The following RP1 variants were observed in gnomAD, a reference collection of about 807,000 sequenced individuals.
RP1 encodes oxygen-regulated protein 1.
In RP1, 16 loss-of-function variants were observed where a neutral mutation model predicts 14.8. The observed-to-expected ratio is 1.08, with a 90% CI of 0.73 to 1.65. The LOEUF (loss-of-function observed/expected upper bound fraction) is 1.65. RP1 is among the 40% of genes most tolerant of loss of function. RP1 has a pLI of 0.00. For missense variants in RP1, 2,631 were observed against 2,535.0 expected (o/e 1.04, Z -0.81); for synonymous variants, 876 against 883.6 (o/e 0.99, Z 0.15).
intron 1 of RP1, among the ~76,000 whole-genome samples, chr8:54,603,213 T>C (rs1307540524): frequency 2.0e-5 from 3 of 152,110 alleles, no homozygotes; most frequent in Non-Finnish European, 4.4e-5. Context: ...TTAATTTTTG[T>C]ATAAGGTGTA....
intron 12 of RP1, among the ~76,000 whole-genome samples, chr8:54,680,999 A>G (rs1446446888): frequency 6.6e-6 from 1 of 151,796 alleles, no homozygotes; most frequent in Non-Finnish European, 1.5e-5. Flanking sequence ...GTGTCTGTCT[A>G]AAAATACTTC....
At chr8:54,607,860 C>T (rs997793937) in intron 1 of RP1, among the ~76,000 whole-genome samples, 34 of 152,212 alleles carry the variant, frequency 2.2e-4, no homozygotes, top group Non-Finnish European at 4.1e-4. Context: ...GGGATATAAT[C>T]TCCTGGTGTG....
At chr8:54,613,623 AC>A (rs1805647276), upstream of RP1, among the ~76,000 whole-genome samples, 2 of 152,164 alleles carry the variant, frequency 1.3e-5, no homozygotes, top group South Asian at 4.1e-4. Context: ...ATTGGAGGGT[AC>A]TTACTTCATT....
At chr8:54,688,700 G>C (rs1388564971) in intron 12 of RP1, among the ~76,000 whole-genome samples, 1 of 152,196 alleles carries the variant, frequency 6.6e-6, no homozygotes, top group Non-Finnish European at 1.5e-5. Context: ...GTACCATGCT[G>C]TTTTGGTTAC....
intron 12 of RP1, among the ~76,000 whole-genome samples, chr8:54,681,520 G>GTGTA (rs1017073082): frequency 1.5e-5 from 2 of 137,926 alleles, no homozygotes; most frequent in East Asian, 2.0e-4. Flanking sequence ...GTGTGTGTGT[G>GTGTA]TGTATGTATA....
intron 24 of RP1, among the ~76,000 whole-genome samples, chr8:54,814,486 T>A (rs1811087067): frequency 6.6e-6 from 1 of 152,200 alleles, no homozygotes; most frequent in South Asian, 2.1e-4. Flanking sequence ...TAATGGATAA[T>A]CATTGGAACA....
intron 4 of RP1, among the ~76,000 whole-genome samples, chr8:54,649,790 G>C (rs1395731673): frequency 6.6e-6 from 1 of 152,178 alleles, no homozygotes; most frequent in Non-Finnish European, 1.5e-5. Context: ...TGAAAAAAGA[G>C]TCTCCTTAAG....
intron 21 of RP1, among the ~76,000 whole-genome samples, chr8:54,756,865 T>G (rs1184171429): frequency 6.6e-6 from 1 of 152,204 alleles, no homozygotes; most frequent in East Asian, 1.9e-4. Flanking sequence ...GCAAGTCATC[T>G]TCATGATTGA....
intron 5 of RP1, among the ~76,000 whole-genome samples, chr8:54,654,103 G>A (rs1806710686): frequency 6.6e-6 from 1 of 152,202 alleles, no homozygotes; most frequent in Non-Finnish European, 1.5e-5. Flanking sequence ...TTGAGTACCT[G>A]TGAAGAAGAA....
At chr8:54,723,841 T>C (rs1808590164) in intron 16 of RP1, among the ~76,000 whole-genome samples, 1 of 152,142 alleles carries the variant, frequency 6.6e-6, no homozygotes, top group African/African-American at 2.4e-5. Flanking sequence ...AGTGAACCTA[T>C]CTATGTTTTT....
intron 19 of RP1, among the ~76,000 whole-genome samples, chr8:54,741,745 ATAT>A (rs1809103373): frequency 7.3e-6 from 1 of 137,198 alleles, no homozygotes; most frequent in Non-Finnish European, 1.6e-5. Context: ...ATATATATAT[ATAT>A]ATGTTTATAT....
chr8:54,651,095 A>G lies in RP1; in HGVS notation c.952-1685A>G, dbSNP rs554677848. On this transcript the variant is annotated intron_variant, in intron 4 of 22. Coordinates refer to the RP1 transcript ENST00000636932. ...TTTCCCTCTATTTTATTTACGTGGTATATTAGATTGATATTTGTATGTAGA... is the reference window on the plus strand; with the variant it reads ...TTTCCCTCTATTTTATTTACGTGGTGTATTAGATTGATATTTGTATGTAGA... 4.6e-4 allele frequency among the ~76,000 whole-genome samples: 70 copies of G among 152,068 alleles called. 1 individual carries two copies. Among genetic ancestry groups the G allele is most frequent in the African/African-American group, 1.6e-3 (67 of 41,500 alleles).
intron 1 of RP1, among the ~76,000 whole-genome samples, chr8:54,577,228 C>A (rs60446144): frequency 4.6e-5 from 7 of 151,902 alleles, no homozygotes; most frequent in Admixed American, 3.3e-4. Flanking sequence ...GTTGGTCAAC[C>A]TGGTCTCGAA....
At chr8:54,597,323 T>G (rs1339149270) in intron 1 of RP1, among the ~76,000 whole-genome samples, 1 of 152,202 alleles carries the variant, frequency 6.6e-6, no homozygotes, top group African/African-American at 2.4e-5. Context: ...ATTAAATAAT[T>G]CATTTAAAGC....
chr8:54,748,868 G>A (rs907883100), intron 19 of RP1, among the ~76,000 whole-genome samples: 2 of 151,950 alleles, frequency 1.3e-5, no homozygotes, highest in African/African-American at 4.8e-5. Flanking sequence ...ATAGAACAAA[G>A]GTTTATGATA....
At chr8:54,744,159 C>A (rs529137838) in intron 19 of RP1, among the ~76,000 whole-genome samples, 84 of 152,240 alleles carry the variant, frequency 5.5e-4, no homozygotes, top group African/African-American at 1.9e-3. Context: ...GGGTTTGAGG[C>A]ATTTGGGGTT....
intron 24 of RP1, among the ~76,000 whole-genome samples, chr8:54,807,572 G>T (rs900459887): frequency 4.5e-4 from 69 of 152,034 alleles, no homozygotes; most frequent in Admixed American, 2.0e-3. Flanking sequence ...TATTAGTCAT[G>T]GTTCTCTAAC....
At chr8:54,561,961 T>G (rs1224545883) in intron 1 of RP1, 1 of 152,246 alleles carries the variant, frequency 6.6e-6, no homozygotes. Flanking sequence ...TTTCAAATTT[T>G]TGTAGTATTT....
intron 28 of RP1, among the ~76,000 whole-genome samples, chr8:54,868,128 G>A (rs965107414): frequency 2.6e-5 from 4 of 152,044 alleles, no homozygotes; most frequent in African/African-American, 9.7e-5. Flanking sequence ...AGGCATCCAG[G>A]GCAGGTGATA....
Sources: gnomAD v4.1 joint callset for allele counts (sites outside exome capture counted in the v4.1 genomes callset) on GRCh38, gnomAD v4.1.1 for gene constraint, MANE v1.5 for transcripts, NCBI Gene and HGNC (gene_info 2026-07-23, HGNC 2026-07-21) for gene names.